The following INPP4B variants were observed in gnomAD, a reference collection of about 807,000 sequenced individuals.
INPP4B encodes inositol polyphosphate 4-phosphatase type II.
INPP4B carries 55 observed loss-of-function variants against 122.5 expected under a neutral mutation model. The ratio of observed to expected loss-of-function variants is 0.45; its 90% CI spans 0.36 to 0.56. The LOEUF is 0.56. Among genes scored for constraint, INPP4B ranks in the 20% least tolerant of loss-of-function variants. INPP4B has a pLI of 0.00. For missense variants in INPP4B, 1,000 were observed against 1,097.7 expected (o/e 0.91, Z 1.26); for synonymous variants, 403 against 388.7 (o/e 1.04, Z -0.43).
At chr4:142,233,535 C>T (rs1000820067) in intron 12 of INPP4B, among the ~76,000 whole-genome samples, 1 of 152,018 alleles carries the variant, frequency 6.6e-6, no homozygotes, top group South Asian at 2.1e-4. Context: ...ACTATTGAAA[C>T]ATAATGGTAC....
At chr4:142,257,251 AC>A (rs1315277562) in intron 11 of INPP4B, among the ~76,000 whole-genome samples, 1 of 152,248 alleles carries the variant, frequency 6.6e-6, no homozygotes, top group African/African-American at 2.4e-5. Flanking sequence ...CCAATATCAT[AC>A]TGAATGGGCA....
At chr4:142,661,857 G>A (rs1399665706) in intron 2 of INPP4B, among the ~76,000 whole-genome samples, 2 of 152,218 alleles carry the variant, frequency 1.3e-5, no homozygotes, top group East Asian at 3.8e-4. Context: ...GAGCTCAGGA[G>A]ACGTTACCTT....
At chr4:142,088,483 T>C (rs1777886258) in intron 23 of INPP4B, among the ~76,000 whole-genome samples, 1 of 141,742 alleles carries the variant, frequency 7.1e-6, no homozygotes, top group Admixed American at 7.6e-5. Context: ...TGAATAAACT[T>C]ATTTGTGTAA....
intron 2 of INPP4B, among the ~76,000 whole-genome samples, chr4:142,612,413 T>C (rs1029917572): frequency 6.6e-6 from 1 of 152,224 alleles, no homozygotes; most frequent in Admixed American, 6.5e-5. Context: ...ATTCTTTATG[T>C]CTTAGTCCTT....
In INPP4B at chr4:142,441,895, G is replaced by A. The variant is rs543020775; in HGVS notation, c.-126-10510C>T. ...AACATGGCCAGAAAAGAGAGAGAGA[G>A]AGAAATAGAATTGAACATTAAGGAG... is the stretch of plus-strand genomic sequence containing the variant. On this transcript the variant is annotated intron_variant, in intron 3 of 25. Coordinates refer to ENST00000262992, the MANE Select transcript of INPP4B (RefSeq NM_001101669.3). Among the ~76,000 whole-genome samples the A allele has an allele frequency of 4.0e-5, 6 of 149,184 alleles. No homozygotes were observed. The South Asian group carries it at 1.3e-3, about 32-fold the overall frequency.
chr4:142,221,567 G>A (rs1394812207), intron 12 of INPP4B, among the ~76,000 whole-genome samples: 7 of 151,398 alleles, frequency 4.6e-5, no homozygotes, highest in Middle Eastern at 6.9e-3. Flanking sequence ...CAGCCTTTTC[G>A]TTTTTCACAT....
At chr4:142,122,664 A>T (rs374193671) in intron 20 of INPP4B, among the ~76,000 whole-genome samples, 3 of 152,212 alleles carry the variant, frequency 2.0e-5, no homozygotes, top group African/African-American at 7.2e-5. Context: ...CAGGGAGATC[A>T]TTAAGATTCC....
chr4:142,424,893 T>C lies in INPP4B; in HGVS notation c.136+4280A>G, dbSNP rs182719704. Among the ~76,000 whole-genome samples, 272 of 152,170 alleles carry C rather than the reference T, an allele frequency of 1.8e-3. 6 individuals carry two copies. Among genetic ancestry groups the C allele is most frequent in the Admixed American group, 0.015 (235 of 15,252 alleles). On this transcript the variant is annotated intron_variant, in intron 5 of 25. Transcript: ENST00000262992. ...TGATGTGTTTCCACATTGCCTATTA[T>C]TTATTTTTTGTGATAATTTTTGTTA...
chr4:142,505,380 T>G (rs148573078), intron 2 of INPP4B, among the ~76,000 whole-genome samples: 1 of 152,284 alleles, frequency 6.6e-6, no homozygotes, highest in African/African-American at 2.4e-5. Flanking sequence ...CTAGGAAAAT[T>G]TCTCTGGCTA....
At chr4:142,060,103 A>G (rs370001582) in intron 25 of INPP4B, among the ~76,000 whole-genome samples, 189 of 152,254 alleles carry the variant, frequency 1.2e-3, no homozygotes, top group African/African-American at 4.2e-3. Context: ...CGATTTTTCA[A>G]TGCAGGAATC....
intron 7 of INPP4B, among the ~76,000 whole-genome samples, chr4:142,384,538 ATACAGTACACT>A (rs1385661346): frequency 5.9e-5 from 9 of 151,974 alleles, no homozygotes; most frequent in Non-Finnish European, 1.2e-4. Flanking sequence ...CACAGAAAAG[ATACAGTACACT>A]TACAGTACTA....
At chr4:142,796,867 G>GGTGTGT (rs1561079297) in intron 1 of INPP4B, among the ~76,000 whole-genome samples, 5 of 128,852 alleles carry the variant, frequency 3.9e-5, no homozygotes, top group East Asian at 2.5e-4. Flanking sequence ...GCGGAAAACA[G>GGTGTGT]ATGTGTGTGT....
At chr4:142,322,384 T>C (rs1770417109) in intron 7 of INPP4B, among the ~76,000 whole-genome samples, 1 of 152,140 alleles carries the variant, frequency 6.6e-6, no homozygotes. Context: ...GCTTACTATC[T>C]CACAAATCAG....
chr4:142,312,800 AG>A (rs962136600), intron 8 of INPP4B, among the ~76,000 whole-genome samples: 14 of 152,196 alleles, frequency 9.2e-5, no homozygotes, highest in African/African-American at 3.4e-4. Flanking sequence ...GAACCTGACA[AG>A]GGCCTCAGAA....
intron 3 of INPP4B, among the ~76,000 whole-genome samples, chr4:142,450,902 G>A (rs1166773235): frequency 6.6e-6 from 1 of 151,198 alleles, no homozygotes; most frequent in Non-Finnish European, 1.5e-5. Context: ...TAGAAAAAAA[G>A]GAGGAGGACT....
chr4:142,707,226 C>T (rs867665767), intron 2 of INPP4B, among the ~76,000 whole-genome samples: 6 of 152,306 alleles, frequency 3.9e-5, no homozygotes, highest in South Asian at 4.1e-4. Flanking sequence ...AAATAACCTC[C>T]TTGTCTTCCC....
intron 1 of INPP4B, among the ~76,000 whole-genome samples, chr4:142,747,682 T>C (rs534363765): frequency 1.3e-5 from 2 of 152,294 alleles, no homozygotes; most frequent in East Asian, 1.9e-4. Context: ...CATGGAATAC[T>C]ATGCAGCCAT....
At chr4:142,209,626 C>G (rs1448496018) in intron 12 of INPP4B, among the ~76,000 whole-genome samples, 1 of 151,738 alleles carries the variant, frequency 6.6e-6, no homozygotes, top group Non-Finnish European at 1.5e-5. Flanking sequence ...AACCCCATCT[C>G]TACTAAAAAT....
At chr4:142,029,436 GC>G in intron 25 of INPP4B, 1 of 985,910 alleles carries the variant, frequency 1.0e-6, no homozygotes, top group Non-Finnish European at 1.2e-6. Flanking sequence ...CCAAGTCTCA[GC>G]TTTATAAAGG....
Sources: allele counts gnomAD v4.1 joint callset (sites outside exome capture counted in the v4.1 genomes callset), GRCh38; gene constraint gnomAD v4.1.1; transcripts MANE v1.5; gene names NCBI Gene and HGNC (gene_info 2026-07-23, HGNC 2026-07-21).